SEC14L1: variants seen among roughly 807,000 people sequenced by gnomAD.
SEC14L1 encodes the protein SEC14 like lipid binding 1, also known as SEC14-like protein 1.
A neutral mutation model predicts 85.3 loss-of-function variants in SEC14L1; 48 were observed. That is an observed-to-expected ratio of 0.56 (90% CI 0.45 to 0.72). The LOEUF is 0.72. Among genes scored for constraint, SEC14L1 ranks in the 30% least tolerant of loss-of-function variants. The pLI, the probability that SEC14L1 is intolerant of heterozygous loss-of-function variation, is 0.00. For synonymous variants in SEC14L1, 391 were observed against 355.5 expected, an observed-to-expected ratio of 1.10 and a Z score of -1.12; for missense variants, 682 against 921.4, an observed-to-expected ratio of 0.74 and a Z score of 3.36.
intron 3 of SEC14L1, among the ~76,000 whole-genome samples, chr17:77,153,655 AG>A (rs1315342399): frequency 1.4e-4 from 22 of 152,148 alleles, no homozygotes; most frequent in Non-Finnish European, 3.1e-4. Flanking sequence ...GGCACTTGGC[AG>A]GAGTCTGGCC....
chr17:77,120,369 A>G (rs1364783194), intron 3 of SEC14L1, among the ~76,000 whole-genome samples: 1 of 152,142 alleles, frequency 6.6e-6, no homozygotes, highest in Non-Finnish European at 1.5e-5. Context: ...TCACAGAGGG[A>G]CGAGGACAGA....
chr17:77,191,139 T>C, intron 4 of SEC14L1, 42 bp from the exon 5 acceptor site: 1 of 1,590,504 alleles, frequency 6.3e-7, no homozygotes, highest in Non-Finnish European at 8.6e-7. Flanking sequence ...GTGCTATTGG[T>C]TGTTATTAAT....
chr17:77,168,488 A>G (rs559660314), intron 3 of SEC14L1, among the ~76,000 whole-genome samples: 2 of 152,308 alleles, frequency 1.3e-5, no homozygotes, highest in Admixed American at 6.5e-5. Context: ...ACCTGTAACA[A>G]TTGCAAGAGA....
chr17:77,176,959 AT>A (rs1974784241), intron 3 of SEC14L1, among the ~76,000 whole-genome samples: 1 of 152,200 alleles, frequency 6.6e-6, no homozygotes, highest in Admixed American at 6.5e-5. Flanking sequence ...GATTTTGACG[AT>A]GCAACTTTAC....
chr17:77,105,736 G>A (rs1179633650), intron 3 of SEC14L1, among the ~76,000 whole-genome samples: 1 of 152,148 alleles, frequency 6.6e-6, no homozygotes, highest in Non-Finnish European at 1.5e-5. Flanking sequence ...TTAGGATCTG[G>A]GGCTTGTATA....
intron 3 of SEC14L1, among the ~76,000 whole-genome samples, chr17:77,128,410 ATT>A (rs1972513875): frequency 2.7e-4 from 4 of 14,938 alleles, no homozygotes; most frequent in Non-Finnish European, 4.6e-4. Flanking sequence ...ATTTTATTTT[ATT>A]TTATTTTATT....
In SEC14L1 at chr17:77,214,494, G is replaced by A. The variant is rs1976941282; in HGVS notation, c.*471G>A. 5.0e-6 allele frequency: 5 copies of A among 1,000,434 alleles called. No individual in the cohort carries two copies. Among genetic ancestry groups the A allele is most frequent in the Non-Finnish European group, 6.0e-6 (5 of 838,304 alleles). 62.0% of individuals were successfully genotyped at this position (1,000,434 alleles called of 1,614,324 possible). Reference sequence around the variant, plus strand: ...CCGCACGCCGCCTCACGGCCCCCATGCTTCCCGCCAGTCAAGATGGTCTGT... The same window carrying A: ...CCGCACGCCGCCTCACGGCCCCCATACTTCCCGCCAGTCAAGATGGTCTGT... On this transcript the variant is annotated 3_prime_UTR_variant, in exon 17 of 17. Coordinates refer to ENST00000436233, the MANE Select transcript of SEC14L1 (RefSeq NM_001143998.2).
chr17:77,216,588 T>C lies in SEC14L1; in HGVS notation c.*2565T>C. 1 of 1,613,366 alleles carries C rather than the reference T, an allele frequency of 6.2e-7. No homozygotes were observed. Among genetic ancestry groups the C allele is most frequent in the Non-Finnish European group, 8.5e-7 (1 of 1,179,478 alleles). ...GACAGCTGCCAAGAAAATGCTTCAC[T>C]CAACAGTCCTCATGTGCCCAGAGAT... On this transcript the variant is annotated 3_prime_UTR_variant, in exon 17 of 17. Transcript: ENST00000436233.
chr17:77,170,641 C>A (rs1038815019), intron 3 of SEC14L1, among the ~76,000 whole-genome samples: 2 of 152,146 alleles, frequency 1.3e-5, no homozygotes, highest in African/African-American at 4.8e-5. Context: ...GGCCAGTGTC[C>A]TTTTGCGGGG....
Position 77,214,046 on chromosome 17 carries a change from G to C in SEC14L1, c.*23G>C. On this transcript the variant is annotated 3_prime_UTR_variant, in exon 17 of 17. Coordinates refer to ENST00000436233, the MANE Select transcript of SEC14L1 (RefSeq NM_001143998.2). ...TAGTGCCGCGCTGCCTGCACCTAGT[G>C]TGCAGAGGGGACGGCCGCCCCTCCT... is the stretch of plus-strand genomic sequence containing the variant. The C allele has an allele frequency of 6.2e-7, 1 of 1,604,262 alleles. No individual in the cohort carries two copies. Among genetic ancestry groups the C allele is most frequent in the Admixed American group, 1.7e-5 (1 of 58,924 alleles).
intron 3 of SEC14L1, among the ~76,000 whole-genome samples, chr17:77,165,341 CAG>C (rs1471896008): frequency 6.6e-6 from 1 of 152,118 alleles, no homozygotes; most frequent in African/African-American, 2.4e-5. Context: ...TCAAGGTGGT[CAG>C]GGCACAGCTT....
chr17:77,149,901 G>T (rs1295887945), intron 3 of SEC14L1, among the ~76,000 whole-genome samples: 11 of 141,268 alleles, frequency 7.8e-5, no homozygotes, highest in African/African-American at 2.4e-4. Flanking sequence ...GCAAAACCTT[G>T]TTGGTAAACA....
chr17:77,191,394 C>A (rs1975528972), intron 5 of SEC14L1, 82 bp downstream of exon 5: 3 of 1,497,668 alleles, frequency 2.0e-6, no homozygotes, highest in Non-Finnish European at 2.8e-6. Flanking sequence ...TTAAACAGTG[C>A]ATCTTTTTGT....
chr17:77,102,498 C>T (rs1422333951), intron 3 of SEC14L1, among the ~76,000 whole-genome samples: 1 of 151,998 alleles, frequency 6.6e-6, no homozygotes, highest in Non-Finnish European at 1.5e-5. Flanking sequence ...TCTTTCTCTT[C>T]TTTTTTCTTT....
At chr17:77,179,388 G>T (rs562882206) in intron 3 of SEC14L1, among the ~76,000 whole-genome samples, 1 of 152,306 alleles carries the variant, frequency 6.6e-6, no homozygotes, top group Non-Finnish European at 1.5e-5. Context: ...TGTTCTTTCA[G>T]CTATAATTAA....
intron 14 of SEC14L1, chr17:77,209,848 CTT>C (rs71160210): frequency 2.5e-5 from 4 of 157,914 alleles, no homozygotes; most frequent in South Asian, 1.6e-4. Flanking sequence ...GCTACTTTTT[CTT>C]TTTTTTTTTC....
At chr17:77,147,882 G>C (rs1973382585) in intron 3 of SEC14L1, among the ~76,000 whole-genome samples, 1 of 152,082 alleles carries the variant, frequency 6.6e-6, no homozygotes, top group African/African-American at 2.4e-5. Flanking sequence ...TGTACAGTTT[G>C]ATCAGTTTTA....
rs1598382039 is a variant in SEC14L1 at position 77,196,096 on chromosome 17, G to T, written c.710-106G>T. On this transcript the variant is annotated intron_variant, in intron 7 of 16. Transcript: ENST00000436233. ...ATCTGCCATCTCTGCGGTTTCATGT[G>T]CCTCTAGGACTCTAGGACCACACGT... The T allele has an allele frequency of 1.3e-5, 10 of 791,190 alleles. No homozygotes were observed. The East Asian group carries it at 2.6e-4, about 20-fold the overall frequency. The allele number at this position is 791,190 out of a possible 1,614,324, so 49.0% of individuals were successfully genotyped here. A position where few individuals can be genotyped will look rare whatever the true frequency, so the allele number is the denominator to read the frequency against.
At chr17:77,199,895 A>T (rs1190829199) in intron 8 of SEC14L1, among the ~76,000 whole-genome samples, 2 of 152,226 alleles carry the variant, frequency 1.3e-5, no homozygotes, top group Non-Finnish European at 2.9e-5. Context: ...CAGGCCAGAC[A>T]TGGTGGCTCA....
Sources: allele counts gnomAD v4.1 joint callset (sites outside exome capture counted in the v4.1 genomes callset), GRCh38; gene constraint gnomAD v4.1.1; transcripts MANE v1.5; gene names NCBI Gene and HGNC (gene_info 2026-07-23, HGNC 2026-07-21).